AKAP9: variants seen among roughly 807,000 people sequenced by gnomAD.
AKAP9 encodes the protein A-kinase anchoring protein 9.
AKAP9 carries 311 observed loss-of-function variants against 488.5 expected under a neutral mutation model. That is an observed-to-expected ratio of 0.64 (90% CI 0.58 to 0.70). The LOEUF (loss-of-function observed/expected upper bound fraction) is 0.70. Among genes scored for constraint, AKAP9 ranks in the 30% least tolerant of loss-of-function variants. The pLI, the probability that AKAP9 is intolerant of heterozygous loss-of-function variation, is 0.00. For missense variants in AKAP9, 4,215 were observed against 4,374.5 expected (o/e 0.96, Z 1.03); for synonymous variants, 1,462 against 1,483.5 (o/e 0.99, Z 0.33).
rs1816889561 is a variant in AKAP9, at chr7:92,097,885, T to C, written c.10607+91T>C. ...GGGACAGCTAGCCAAGGGTGGGGAA[T>C]TGAAATTTTAAAGGTAATGCGTGTT... On this transcript the variant is annotated intron_variant, in intron 42 of 49. Coordinates refer to ENST00000356239, the MANE Select transcript of AKAP9 (RefSeq NM_005751.5). 7 of 1,330,886 alleles carry C rather than the reference T, an allele frequency of 5.3e-6. No individual in the cohort carries two copies. The Middle Eastern group carries it at 7.2e-4, about 137-fold the overall frequency. 82.4% of individuals were successfully genotyped at this position (1,330,886 alleles called of 1,614,324 possible).
chr7:91,950,973 A>C (rs2282968), intron 1 of AKAP9, among the ~76,000 whole-genome samples: 99,156 of 151,960 alleles, frequency 0.65, 32,745 homozygotes, highest in East Asian at 0.83. Context: ...GTATAAATTC[A>C]TTTCACAATG....
intron 29 of AKAP9, 42 bp from the exon 30 acceptor site, chr7:92,077,654 G>A: frequency 6.5e-7 from 1 of 1,531,630 alleles, no homozygotes; most frequent in Non-Finnish European, 9.0e-7. Context: ...GAAAATGATA[G>A]GTAATGATAT....
intron 22 of AKAP9, 122 bp from the exon 23 acceptor site, chr7:92,061,138 T>C (rs1046826612): frequency 3.5e-6 from 4 of 1,147,720 alleles, no homozygotes; most frequent in Non-Finnish European, 5.0e-6. Flanking sequence ...AATATCTAAA[T>C]GACTACAATT....
chr7:92,101,840 G>A (rs1332345758), intron 45 of AKAP9, among the ~76,000 whole-genome samples: 1 of 152,092 alleles, frequency 6.6e-6, no homozygotes, highest in Admixed American at 6.5e-5. Context: ...ACTCTGAAGG[G>A]ATAGAAAACA....
At chr7:92,087,278 T>C (rs1244491503) in intron 37 of AKAP9, among the ~76,000 whole-genome samples, 1 of 152,186 alleles carries the variant, frequency 6.6e-6, no homozygotes, top group Non-Finnish European at 1.5e-5. Flanking sequence ...GACACACTGG[T>C]ACAATAGGAT....
At chr7:92,029,495 G>C (rs757222162) in intron 14 of AKAP9, among the ~76,000 whole-genome samples, 1 of 152,128 alleles carries the variant, frequency 6.6e-6, no homozygotes, top group African/African-American at 2.4e-5. Context: ...AAAAATGTTA[G>C]TACTGGCCAA....
chr7:92,079,800 T>C lies in AKAP9; in HGVS notation c.7667T>C (p.Val2556Ala). The change falls in exon 31 of 50, where the codon GTC becomes GCC. Residue 2556 changes from valine (V) to alanine (A), a missense_variant. This residue lies in a region of AKAP9 where 1,476 missense variants were observed against 1,477.4 expected (regional missense o/e 1.00). Coordinates refer to ENST00000356239, the MANE Select transcript of AKAP9 (RefSeq NM_005751.5). ...GAAGAAAAAGTGGCTGCTGCTCTTG[T>C]CAGTCAAATCCAACTTGAGGCAGTT... ...IVEEKVAAAL[V>A]SQIQLEAVQE... 1 of 1,614,100 alleles carries C rather than the reference T, an allele frequency of 6.2e-7. No individual in the cohort carries two copies.
intron 1 of AKAP9, among the ~76,000 whole-genome samples, chr7:91,941,882 T>TTTTGTGTGTGTG (rs140762728): frequency 6.8e-6 from 1 of 147,726 alleles, no homozygotes; most frequent in Non-Finnish European, 1.5e-5. Context: ...CGAATCCTGG[T>TTTTGTGTGTGTG]TGTGTGTGTG....
chr7:91,941,071 T>C lies in AKAP9; in HGVS notation c.-29T>C, dbSNP rs1313329008. 1.2e-6 allele frequency: 2 copies of C among 1,608,918 alleles called. No individual in the cohort carries two copies. Among genetic ancestry groups the C allele is most frequent in the African/African-American group, 1.3e-5 (1 of 74,826 alleles). ...CTATCCCCAACCACCCCTCAACCCC[T>C]GTTTTCCCCTGCCTTCCTTGCAGAG... On this transcript the variant is annotated 5_prime_UTR_variant, in exon 1 of 50. Transcript: ENST00000356239.
intron 22 of AKAP9, among the ~76,000 whole-genome samples, chr7:92,060,621 G>A (rs932394976): frequency 3.9e-4 from 59 of 152,112 alleles, no homozygotes; most frequent in African/African-American, 1.4e-3. Flanking sequence ...TAAGGAATCT[G>A]TGTTTATGGT....
intron 14 of AKAP9, among the ~76,000 whole-genome samples, chr7:92,023,731 A>G (rs555973970): frequency 2.3e-4 from 35 of 152,316 alleles, no homozygotes; most frequent in African/African-American, 7.2e-4. Flanking sequence ...TCTGTCCTAC[A>G]TGATGAGTAC....
intron 22 of AKAP9, 104 bp downstream of exon 22, chr7:92,053,062 C>T (rs1200673557): frequency 2.0e-6 from 2 of 992,348 alleles, no homozygotes; most frequent in Non-Finnish European, 3.1e-6. Context: ...AGCTGTTTGG[C>T]ATTTTCAAAG....
chr7:91,992,827 C>G, intron 4 of AKAP9, 58 bp from the exon 5 acceptor site: 1 of 1,510,212 alleles, frequency 6.6e-7, no homozygotes, highest in South Asian at 1.2e-5. Context: ...GTATTTGAAT[C>G]TCTCTCCCTA....
rs775791784 is a variant in AKAP9, at chr7:92,034,488, A to C, written c.4338+2884A>C. On this transcript the variant is annotated intron_variant, in intron 16 of 49. Transcript: ENST00000356239. ...TATTGTAGTGTATATATCTATATATATATATATATATTTTTTTTTTTTTTT... is the reference window on the plus strand; with the variant it reads ...TATTGTAGTGTATATATCTATATATCTATATATATATTTTTTTTTTTTTTT... Among the ~76,000 whole-genome samples, 69 of 92,442 alleles carry C rather than the reference A, an allele frequency of 7.5e-4. 1 individual carries two copies. Among genetic ancestry groups the C allele is most frequent in the Non-Finnish European group, 1.3e-3 (61 of 45,938 alleles). The allele number at this position is 92,442 out of a possible 152,430, so 60.6% of individuals were successfully genotyped here.
chr7:91,952,217 C>T (rs1041591918), intron 1 of AKAP9, among the ~76,000 whole-genome samples: 4 of 152,176 alleles, frequency 2.6e-5, no homozygotes, highest in Admixed American at 2.0e-4. Flanking sequence ...AGTAGAAAGT[C>T]AATCACGATA....
chr7:92,014,328 G>T lies in AKAP9; in HGVS notation c.3612G>T (p.Gln1204His). 6.2e-7 allele frequency: 1 copy of T among 1,605,302 alleles called. No individual in the cohort carries two copies. Among genetic ancestry groups the T allele is most frequent in the Non-Finnish European group, 8.5e-7 (1 of 1,172,866 alleles). The change falls in exon 10 of 50, where the codon CAG (glutamine) becomes CAT (histidine). Residue 1204 changes from glutamine to histidine, a missense_variant and splice_region_variant. Coordinates refer to ENST00000356239, the MANE Select transcript of AKAP9 (RefSeq NM_005751.5). ...AVSEECSYFL[Q>H]TLCSVLGEYY... ...CTGAAGAATGTTCTTATTTTTTACA[G>T]GTAAAATGTTTAAAAGTACTTTTAT...
intron 1 of AKAP9, among the ~76,000 whole-genome samples, chr7:91,962,870 T>C (rs1793891507): frequency 6.6e-6 from 1 of 152,198 alleles, no homozygotes; most frequent in Admixed American, 6.5e-5. Flanking sequence ...TTTTCTCATT[T>C]ATTATGTGTT....
rs144967041 is a variant in AKAP9 at position 92,091,178 on chromosome 7, A to T, written c.9358+1649A>T. Among the ~76,000 whole-genome samples, 320 of 152,320 alleles carry T rather than the reference A, an allele frequency of 2.1e-3. 1 individual carries two copies. The highest frequency in any genetic ancestry group is 3.8e-3 in the Non-Finnish European group (258 of 68,022). On this transcript the variant is annotated intron_variant, in intron 38 of 49. Transcript: ENST00000356239. ...AGTAAAGTGAAATCTAATTTTCATC[A>T]TGTCCACTGAGGACACATACCTGTG...
chr7:92,078,035 C>T (rs1386485144), intron 30 of AKAP9, among the ~76,000 whole-genome samples, 160 bp downstream of exon 30: 2 of 151,856 alleles, frequency 1.3e-5, no homozygotes, highest in Non-Finnish European at 2.9e-5. Context: ...CTCGCTCTGT[C>T]GCCCAGGCTG....
Sources: allele counts gnomAD v4.1 joint callset (sites outside exome capture counted in the v4.1 genomes callset), GRCh38; gene constraint gnomAD v4.1.1; regional missense constraint gnomAD v4.1.1; transcripts MANE v1.5; gene names NCBI Gene and HGNC (gene_info 2026-07-23, HGNC 2026-07-21).